The following NNT variants were observed in gnomAD, a reference collection of about 807,000 sequenced individuals.
The protein encoded by NNT is nicotinamide nucleotide transhydrogenase, also known as NAD(P) transhydrogenase, mitochondrial.
Under a neutral mutation model 104.8 loss-of-function variants are expected in NNT, and 50 were observed. The ratio of observed to expected loss-of-function variants is 0.48; its 90% CI spans 0.38 to 0.60. The LOEUF is 0.60. Ranked by LOEUF, NNT falls within the 20% of genes least tolerant of loss-of-function variation. NNT has a pLI of 0.00. For missense variants in NNT, 1,131 were observed against 1,330.7 expected, an observed-to-expected ratio of 0.85 and a Z score of 2.33; for synonymous variants, 461 against 490.4, an observed-to-expected ratio of 0.94 and a Z score of 0.79.
At chr5:43,663,558 C>T (rs1390444329) in intron 17 of NNT, among the ~76,000 whole-genome samples, 1 of 152,142 alleles carries the variant, frequency 6.6e-6, no homozygotes, top group African/African-American at 2.4e-5. Flanking sequence ...CTTCTTTATG[C>T]TTCTTTATTA....
intron 4 of NNT, 116 bp from the exon 5 acceptor site, chr5:43,618,916 A>G (rs1191431839): frequency 1.9e-6 from 1 of 521,102 alleles, no homozygotes; most frequent in Non-Finnish European, 3.0e-6. Context: ...TACATACTAC[A>G]TAAATATTAG....
chr5:43,609,265 A>C lies in NNT; in HGVS notation c.70A>C (p.Lys24Gln), dbSNP rs778727696. ...TCTACTTAGCAATTTGGGGTCCTGT[A>C]AGGGTCTACGTGTGAAGAAGGATTT... ...CPLLSNLGSC[K>Q]GLRVKKDFLR... The change falls in exon 2 of 22, where the codon AAG becomes CAG. Residue 24 changes from lysine (K) to glutamine (Q), a missense_variant. By Grantham distance (53) the Lys-to-Gln change is moderately conservative. Coordinates refer to ENST00000344920, the MANE Select transcript of NNT (RefSeq NM_182977.3). The C allele has an allele frequency of 6.2e-7, 1 of 1,614,026 alleles. No homozygotes were observed. The highest frequency in any genetic ancestry group is 8.5e-7 in the Non-Finnish European group (1 of 1,179,888).
chr5:43,687,496 G>T (rs756881208), intron 19 of NNT, among the ~76,000 whole-genome samples: 2 of 152,062 alleles, frequency 1.3e-5, no homozygotes, highest in African/African-American at 2.4e-5. Context: ...ATACTTTGGG[G>T]ATTAGCCTGT....
intron 6 of NNT, among the ~76,000 whole-genome samples, chr5:43,627,053 G>A (rs1332425108): frequency 1.3e-5 from 2 of 152,090 alleles, no homozygotes; most frequent in East Asian, 3.8e-4. Context: ...AGAATCCAGG[G>A]GAATGACTTC....
intron 7 of NNT, among the ~76,000 whole-genome samples, chr5:43,637,993 G>A (rs1342645613): frequency 2.0e-5 from 3 of 152,112 alleles, no homozygotes; most frequent in East Asian, 1.9e-4. Context: ...TAATCCCCAC[G>A]TATCACGGGA....
In NNT at chr5:43,691,185, C is replaced by T. The variant is rs180734943; in HGVS notation, c.2877-8934C>T. On this transcript the variant is annotated intron_variant, in intron 19 of 21. Transcript: ENST00000344920. ...CGCAATCTTGGCTCACTGCAACCTC[C>T]GCCTCCTGGGTTCAAGCGATTCTCC... 6.6e-3 allele frequency among the ~76,000 whole-genome samples: 1,001 copies of T among 152,006 alleles called. 9 individuals are homozygous for T. Among genetic ancestry groups the T allele is most frequent in the South Asian group, 0.016 (76 of 4,812 alleles).
At chr5:43,697,347 G>T (rs1302923531) in intron 19 of NNT, among the ~76,000 whole-genome samples, 2 of 152,082 alleles carry the variant, frequency 1.3e-5, no homozygotes, top group African/African-American at 4.8e-5. Context: ...CTCCATCTGA[G>T]ACCACCTCAG....
At chr5:43,624,229 A>G (rs1200087972) in intron 6 of NNT, 109 bp downstream of exon 6, 2 of 888,200 alleles carry the variant, frequency 2.3e-6, no homozygotes, top group Non-Finnish European at 1.9e-6. Context: ...CAACTGGTCT[A>G]TAAGCTCTTT....
chr5:43,704,689 T>C lies in NNT; in HGVS notation c.*285T>C, dbSNP rs1743029398. ...AGAAAGAACAGCCTCATTTTAGATG[T>C]AGTCCTGTTGGATTTTTTATGCCTC... is the stretch of plus-strand genomic sequence containing the variant. On this transcript the variant is annotated 3_prime_UTR_variant, in exon 22 of 22. Transcript: ENST00000344920. 6.7e-6 allele frequency: 2 copies of C among 296,766 alleles called. No individual in the cohort carries two copies. Among genetic ancestry groups the C allele is most frequent in the Non-Finnish European group, 1.3e-5 (2 of 158,884 alleles). 18.4% of individuals were successfully genotyped at this position (296,766 alleles called of 1,614,324 possible).
intron 19 of NNT, among the ~76,000 whole-genome samples, chr5:43,689,050 AC>A (rs1742128392): frequency 6.6e-6 from 1 of 151,902 alleles, no homozygotes; most frequent in South Asian, 2.1e-4. Flanking sequence ...ATCCCCACCA[AC>A]CTTTATTATT....
In NNT at chr5:43,655,941, G is replaced by C. The variant is rs546637942; in HGVS notation, c.2161G>C (p.Glu721Gln). The change falls in exon 15 of 22, where the codon GAG becomes CAG. Residue 721 changes from glutamate to glutamine, a missense_variant. Glu to Gln is a conservative substitution (Grantham distance 29). Coordinates refer to ENST00000344920, the MANE Select transcript of NNT (RefSeq NM_182977.3). ...GGCAGCTGTACTTACTTGCATAGCT[G>C]AGTACATTATAGAATATCCACATTT... ...GLAAVLTCIA[E>Q]YIIEYPHFAT... 1 of 1,614,060 alleles carries C rather than the reference G, an allele frequency of 6.2e-7. No individual in the cohort carries two copies. Among genetic ancestry groups the C allele is most frequent in the African/African-American group, 1.3e-5 (1 of 75,056 alleles).
At chr5:43,667,781 C>T (rs890391781) in intron 17 of NNT, among the ~76,000 whole-genome samples, 2 of 151,734 alleles carry the variant, frequency 1.3e-5, no homozygotes, top group Admixed American at 6.6e-5. Context: ...GGGTATATAC[C>T]CCAGTAATGG....
At chr5:43,669,685 G>A (rs1740937236) in intron 17 of NNT, among the ~76,000 whole-genome samples, 1 of 152,278 alleles carries the variant, frequency 6.6e-6, no homozygotes, top group South Asian at 2.1e-4. Flanking sequence ...TGGTTTGTGA[G>A]TGTTTTATTG....
chr5:43,675,614 A>G lies in NNT; in HGVS notation c.2738A>G (p.Asn913Ser), dbSNP rs373786712. The change falls in exon 18 of 22, where the codon AAC becomes AGC. Residue 913 changes from asparagine to serine, a missense_variant. Coordinates refer to ENST00000344920, the MANE Select transcript of NNT (RefSeq NM_182977.3). ...ATTTCTGGCACACATACGGAAATCA[A>G]CCTTGACAATGCAATTGACATGATT... ...MEISGTHTEINLDNAIDMIRE... is the reference protein window; with the variant it reads ...MEISGTHTEISLDNAIDMIRE... The G allele has an allele frequency of 6.2e-6, 10 of 1,612,710 alleles. No individual in the cohort carries two copies. The East Asian group carries it at 2.2e-4, about 36-fold the overall frequency.
At chr5:43,638,238 T>G (rs1242738458) in intron 7 of NNT, among the ~76,000 whole-genome samples, 3 of 152,154 alleles carry the variant, frequency 2.0e-5, no homozygotes, top group Non-Finnish European at 4.4e-5. Context: ...TTAAACCCCT[T>G]TCATTTATAA....
chr5:43,679,320 A>T (rs999704256), intron 19 of NNT, among the ~76,000 whole-genome samples: 1 of 152,228 alleles, frequency 6.6e-6, no homozygotes, highest in Non-Finnish European at 1.5e-5. Flanking sequence ...CCACATAAAT[A>T]TTTAGGAGAT....
At chr5:43,615,525 T>C (rs1010755281) in intron 3 of NNT, among the ~76,000 whole-genome samples, 1 of 152,206 alleles carries the variant, frequency 6.6e-6, no homozygotes, top group Non-Finnish European at 1.5e-5. Context: ...GTAATAAGTT[T>C]TGGGGACTGC....
At chr5:43,689,249 T>C (rs1407749648) in intron 19 of NNT, among the ~76,000 whole-genome samples, 1 of 152,214 alleles carries the variant, frequency 6.6e-6, no homozygotes, top group Non-Finnish European at 1.5e-5. Flanking sequence ...TTATTCTTGC[T>C]GATTTGCTTG....
intron 19 of NNT, among the ~76,000 whole-genome samples, chr5:43,690,584 G>A (rs1158169036): frequency 6.6e-6 from 1 of 152,146 alleles, no homozygotes; most frequent in East Asian, 1.9e-4. Flanking sequence ...CTGTAGGATT[G>A]AGCTAGGGCA....
Sources: allele counts gnomAD v4.1 joint callset (sites outside exome capture counted in the v4.1 genomes callset), GRCh38; gene constraint gnomAD v4.1.1; transcripts MANE v1.5; gene names NCBI Gene and HGNC (gene_info 2026-07-23, HGNC 2026-07-21).